XKR9: variants seen among roughly 807,000 people sequenced by gnomAD.
The protein encoded by XKR9 is XK related 9.
In XKR9, 32 loss-of-function variants were observed where a neutral mutation model predicts 32.0. The observed-to-expected ratio is 1.00, with a 90% CI of 0.76 to 1.34. The LOEUF is 1.34. Among genes scored for constraint, XKR9 ranks in the 40% most tolerant of loss-of-function variants. The pLI is 0.00. For synonymous variants in XKR9, 168 were observed against 143.4 expected, an observed-to-expected ratio of 1.17 and a Z score of -1.22; for missense variants, 546 against 429.7, an observed-to-expected ratio of 1.27 and a Z score of -2.39.
the XKR9 span, among the ~76,000 whole-genome samples, chr8:70,972,021 T>C: frequency 2.0e-5 from 3 of 152,142 alleles, no homozygotes; most frequent in Non-Finnish European, 4.4e-5. Flanking sequence ...TTTGTGGGTA[T>C]TGCATTGAAT....
intron 2 of XKR9, among the ~76,000 whole-genome samples, chr8:70,750,639 T>G (rs1807126642): frequency 6.6e-6 from 1 of 152,222 alleles, no homozygotes; most frequent in Non-Finnish European, 1.5e-5. Context: ...TCTTGATATA[T>G]AATTCATACA....
intron 4 of XKR9, among the ~76,000 whole-genome samples, chr8:70,718,145 A>T (rs145970843): frequency 6.6e-6 from 1 of 152,040 alleles, no homozygotes; most frequent in African/African-American, 2.4e-5. Context: ...TGAGCCCTTC[A>T]ATTCTCCAGG....
At chr8:70,922,155 T>A in the XKR9 span, among the ~76,000 whole-genome samples, 1 of 152,182 alleles carries the variant, frequency 6.6e-6, no homozygotes, top group Admixed American at 6.5e-5. Context: ...AATAACCACA[T>A]CCTACCTCCT....
chr8:70,876,817 T>C, the XKR9 span, among the ~76,000 whole-genome samples: 1 of 152,172 alleles, frequency 6.6e-6, no homozygotes, highest in Non-Finnish European at 1.5e-5. Flanking sequence ...CTTGTGTGTG[T>C]GTGTTTTTAA....
chr8:70,948,670 T>C, the XKR9 span, among the ~76,000 whole-genome samples: 1 of 152,212 alleles, frequency 6.6e-6, no homozygotes, highest in Non-Finnish European at 1.5e-5. Flanking sequence ...ATCTTTATTC[T>C]CCTGGAAGGA....
the XKR9 span, among the ~76,000 whole-genome samples, chr8:71,063,681 T>C: frequency 4.6e-5 from 7 of 152,238 alleles, no homozygotes; most frequent in African/African-American, 1.4e-4. Context: ...TGTGTGCTCC[T>C]GTGTGCTTTC....
the XKR9 span, among the ~76,000 whole-genome samples, chr8:70,931,068 G>GA: frequency 6.6e-6 from 1 of 151,272 alleles, no homozygotes; most frequent in Non-Finnish European, 1.5e-5. Context: ...TGGACTGAGA[G>GA]AAATTCATTT....
chr8:70,931,706 T>A, the XKR9 span, among the ~76,000 whole-genome samples: 3 of 152,158 alleles, frequency 2.0e-5, no homozygotes, highest in African/African-American at 7.2e-5. Context: ...GAGCTTACAA[T>A]CATGGCAGAG....
chr8:70,843,436 C>T, the XKR9 span, among the ~76,000 whole-genome samples: 8 of 152,192 alleles, frequency 5.3e-5, no homozygotes, highest in Non-Finnish European at 1.2e-4. Context: ...TTAAAAGTTA[C>T]CCTAGAGAGA....
At chr8:70,749,993 G>T (rs903554246) in intron 2 of XKR9, among the ~76,000 whole-genome samples, 9 of 152,070 alleles carry the variant, frequency 5.9e-5, no homozygotes, top group Non-Finnish European at 8.8e-5. Context: ...CTGGGATTTG[G>T]AAGTATGTAT....
the XKR9 span, among the ~76,000 whole-genome samples, chr8:70,884,390 A>G: frequency 6.6e-6 from 1 of 152,136 alleles, no homozygotes; most frequent in Non-Finnish European, 1.5e-5. Flanking sequence ...AGTCCAATTT[A>G]TTAATATTTT....
chr8:70,763,325 G>T (rs986286721), intron 2 of XKR9, among the ~76,000 whole-genome samples: 1 of 152,120 alleles, frequency 6.6e-6, no homozygotes, highest in Non-Finnish European at 1.5e-5. Context: ...CATGTTTGTG[G>T]ACTCTTTTGG....
At chr8:71,028,738 A>G in the XKR9 span, among the ~76,000 whole-genome samples, 2 of 152,208 alleles carry the variant, frequency 1.3e-5, no homozygotes, top group African/African-American at 4.8e-5. Context: ...ATATACAATT[A>G]TGATTTGTCA....
the XKR9 span, among the ~76,000 whole-genome samples, chr8:70,809,293 G>A: frequency 4.6e-5 from 7 of 152,218 alleles, no homozygotes; most frequent in Admixed American, 4.6e-4. Context: ...AACCTCATCC[G>A]TACGTCACCA....
intron 2 of XKR9, among the ~76,000 whole-genome samples, chr8:70,752,090 C>A (rs1300257101): frequency 6.6e-6 from 1 of 152,180 alleles, no homozygotes; most frequent in Non-Finnish European, 1.5e-5. Flanking sequence ...ATTAATACAA[C>A]TCTCACTCCT....
chr8:70,805,237 C>T, the XKR9 span, among the ~76,000 whole-genome samples: 87 of 152,304 alleles, frequency 5.7e-4, 1 homozygote, highest in Non-Finnish European at 9.4e-4. Context: ...GCTACCTGGC[C>T]AGGTAAACCG....
intron 2 of XKR9, among the ~76,000 whole-genome samples, chr8:70,680,096 A>G (rs1180839960): frequency 1.3e-5 from 2 of 152,002 alleles, no homozygotes; most frequent in Non-Finnish European, 2.9e-5. Flanking sequence ...CTCTCCATGT[A>G]TAATTAAAAA....
the XKR9 span, among the ~76,000 whole-genome samples, chr8:70,958,841 C>G: frequency 4.3e-4 from 66 of 152,176 alleles, no homozygotes; most frequent in Middle Eastern, 3.4e-3. Flanking sequence ...CTGTAAGTCT[C>G]ATTTCATTTG....
At chr8:70,867,411 A>G in the XKR9 span, among the ~76,000 whole-genome samples, 215 of 152,044 alleles carry the variant, frequency 1.4e-3, 2 homozygotes, top group South Asian at 0.011. Flanking sequence ...ACATTTCAAA[A>G]CCAATTGTGC....
Sources: gnomAD v4.1 joint callset for allele counts (sites outside exome capture counted in the v4.1 genomes callset) on GRCh38, gnomAD v4.1.1 for gene constraint, MANE v1.5 for transcripts, NCBI Gene and HGNC (gene_info 2026-07-23, HGNC 2026-07-21) for gene names.